PPP1R1C: variants seen among roughly 807,000 people sequenced by gnomAD.
PPP1R1C encodes the protein protein phosphatase 1 regulatory inhibitor subunit 1C.
A neutral mutation model predicts 17.4 loss-of-function variants in PPP1R1C; 15 were observed. That is an observed-to-expected ratio of 0.86 (90% CI 0.58 to 1.33). The LOEUF (loss-of-function observed/expected upper bound fraction) is 1.33, where lower values mean the gene tolerates loss of function less well. Ranked by LOEUF, PPP1R1C falls within the 40% of genes most tolerant of loss-of-function variation. PPP1R1C has a pLI of 0.00. For missense variants in PPP1R1C, 143 were observed against 130.0 expected, an observed-to-expected ratio of 1.10 and a Z score of -0.48; for synonymous variants, 35 against 43.1, an observed-to-expected ratio of 0.81 and a Z score of 0.73.
At chr2:182,017,434 A>C (rs1420639597) in intron 2 of PPP1R1C, among the ~76,000 whole-genome samples, 1 of 152,036 alleles carries the variant, frequency 6.6e-6, no homozygotes, top group Non-Finnish European at 1.5e-5. Context: ...AGTTATACTT[A>C]TTTCTCCTTG....
chr2:181,983,200 A>G (rs966558742), upstream of PPP1R1C, among the ~76,000 whole-genome samples: 1 of 152,176 alleles, frequency 6.6e-6, no homozygotes, highest in African/African-American at 2.4e-5. Flanking sequence ...CTTATATTAT[A>G]GTGGCCATCA....
chr2:182,097,132 A>G (rs1309023679), intron 4 of PPP1R1C, among the ~76,000 whole-genome samples: 3 of 152,208 alleles, frequency 2.0e-5, no homozygotes, highest in African/African-American at 4.8e-5. Context: ...CCAAAGAAAA[A>G]TTATTTCTAG....
chr2:182,071,097 C>T (rs1401258280), intron 4 of PPP1R1C, among the ~76,000 whole-genome samples: 1 of 152,096 alleles, frequency 6.6e-6, no homozygotes, highest in East Asian at 1.9e-4. Flanking sequence ...CAGATCCATG[C>T]CTTATCAATA....
intron 2 of PPP1R1C, among the ~76,000 whole-genome samples, chr2:182,031,598 A>G (rs909190124): frequency 2.6e-5 from 4 of 152,300 alleles, no homozygotes; most frequent in African/African-American, 7.2e-5. Flanking sequence ...CCTTGCTGTA[A>G]TTACTTAGGC....
At chr2:181,963,521 C>T (rs1439066199) in intron 1 of PPP1R1C, among the ~76,000 whole-genome samples, 1 of 152,112 alleles carries the variant, frequency 6.6e-6, no homozygotes, top group Non-Finnish European at 1.5e-5. Context: ...TTCCTGTAAT[C>T]CCAGCTACTC....
At chr2:181,969,671 T>C (rs1036139541) in intron 1 of PPP1R1C, among the ~76,000 whole-genome samples, 1 of 152,214 alleles carries the variant, frequency 6.6e-6, no homozygotes, top group Admixed American at 6.5e-5. Flanking sequence ...GGAAATTTTC[T>C]GTTATTTCTT....
chr2:182,069,441 T>C (rs1688080013), intron 4 of PPP1R1C, among the ~76,000 whole-genome samples: 1 of 151,910 alleles, frequency 6.6e-6, no homozygotes. Flanking sequence ...TTCTTGCAAG[T>C]CACTAAGGTA....
At chr2:182,069,031 A>T (rs1688068425) in intron 4 of PPP1R1C, among the ~76,000 whole-genome samples, 1 of 152,204 alleles carries the variant, frequency 6.6e-6, no homozygotes. Context: ...GAAGGCAGCA[A>T]GATCTCTTAG....
chr2:181,996,732 T>G (rs1258523836), intron 2 of PPP1R1C, among the ~76,000 whole-genome samples: 2 of 152,182 alleles, frequency 1.3e-5, no homozygotes, highest in Admixed American at 6.5e-5. Context: ...GGAGCAATTT[T>G]CCATCATTAC....
At chr2:182,064,362 C>A (rs930477631) in intron 4 of PPP1R1C, among the ~76,000 whole-genome samples, 5 of 152,216 alleles carry the variant, frequency 3.3e-5, no homozygotes, top group Admixed American at 2.0e-4. Flanking sequence ...AGTATCTTGA[C>A]CAACATCAGT....
At chr2:182,076,678 A>C (rs1688323022) in intron 4 of PPP1R1C, among the ~76,000 whole-genome samples, 1 of 152,072 alleles carries the variant, frequency 6.6e-6, no homozygotes, top group Non-Finnish European at 1.5e-5. Context: ...TAAGTTAATT[A>C]GTACTTTTAC....
chr2:182,017,822 GT>G (rs1231155799), intron 2 of PPP1R1C, among the ~76,000 whole-genome samples: 2 of 152,062 alleles, frequency 1.3e-5, no homozygotes, highest in East Asian at 3.8e-4. Context: ...TACATCTATT[GT>G]TAGTCTCAAA....
At chr2:181,981,094 A>AT (rs1685186178), upstream of PPP1R1C, among the ~76,000 whole-genome samples, 1 of 151,358 alleles carries the variant, frequency 6.6e-6, no homozygotes, top group Non-Finnish European at 1.5e-5. Flanking sequence ...ACGCCCGGCT[A>AT]ATTTTTTGTA....
At chr2:182,041,977 A>G (rs1434376192) in intron 2 of PPP1R1C, among the ~76,000 whole-genome samples, 2 of 152,060 alleles carry the variant, frequency 1.3e-5, no homozygotes, top group African/African-American at 4.8e-5. Context: ...TTTTCCAACT[A>G]TTTTTTGAAC....
chr2:182,070,956 A>G (rs757822383), intron 4 of PPP1R1C, among the ~76,000 whole-genome samples: 1 of 152,130 alleles, frequency 6.6e-6, no homozygotes, highest in Non-Finnish European at 1.5e-5. Context: ...ACACACTATC[A>G]GGAGAACAGC....
intron 2 of PPP1R1C, among the ~76,000 whole-genome samples, chr2:182,008,682 C>T (rs569211558): frequency 1.3e-5 from 2 of 152,214 alleles, no homozygotes; most frequent in South Asian, 2.1e-4. Context: ...CAAATATTCT[C>T]GTTATACCAT....
chr2:182,002,436 A>G (rs1421266945), intron 2 of PPP1R1C, among the ~76,000 whole-genome samples: 3 of 152,108 alleles, frequency 2.0e-5, no homozygotes. Flanking sequence ...TCTAAGAAAT[A>G]TATGTAAACT....
chr2:182,008,624 G>T (rs754107864), intron 2 of PPP1R1C, among the ~76,000 whole-genome samples: 7 of 152,130 alleles, frequency 4.6e-5, no homozygotes, highest in Non-Finnish European at 1.0e-4. Flanking sequence ...TCACATTAGG[G>T]TTAGTAAGGT....
intron 2 of PPP1R1C, among the ~76,000 whole-genome samples, chr2:182,002,758 AAAATTT>A (rs1685802762): frequency 6.6e-6 from 1 of 152,150 alleles, no homozygotes; most frequent in Admixed American, 6.6e-5. Flanking sequence ...TTAAAATCTC[AAAATTT>A]AAATATTCTA....
Sources: gnomAD v4.1 joint callset for allele counts (sites outside exome capture counted in the v4.1 genomes callset) on GRCh38, gnomAD v4.1.1 for gene constraint, MANE v1.5 for transcripts, NCBI Gene and HGNC (gene_info 2026-07-23, HGNC 2026-07-21) for gene names.